CRIM1: variants seen among roughly 807,000 people sequenced by gnomAD.
The protein encoded by CRIM1 is cysteine rich transmembrane BMP regulator 1.
In CRIM1, 32 loss-of-function variants were observed where a neutral mutation model predicts 116.4. The ratio of observed to expected loss-of-function variants is 0.27; its 90% CI spans 0.21 to 0.37. The LOEUF (loss-of-function observed/expected upper bound fraction) is 0.37, where lower values mean the gene tolerates loss of function less well. CRIM1 is among the 10% of genes least tolerant of loss of function. The pLI is 1.00. For missense variants in CRIM1, 1,331 were observed against 1,354.8 expected (o/e 0.98, Z 0.28); for synonymous variants, 590 against 509.2 (o/e 1.16, Z -2.13).
intron 5 of CRIM1, 121 bp from the exon 6 acceptor site, chr2:36,476,768 G>C (rs1242022644): frequency 5.4e-6 from 4 of 747,446 alleles, no homozygotes. Flanking sequence ...ATTGAGTTGA[G>C]TAAATTTCCA....
intron 8 of CRIM1, among the ~76,000 whole-genome samples, chr2:36,507,399 A>G (rs919920531): frequency 2.0e-5 from 3 of 152,220 alleles, no homozygotes; most frequent in African/African-American, 7.2e-5. Flanking sequence ...ATGACAGTGG[A>G]GGAGTAGGTA....
intron 7 of CRIM1, among the ~76,000 whole-genome samples, chr2:36,490,791 C>T (rs553822183): frequency 2.0e-5 from 3 of 152,262 alleles, no homozygotes; most frequent in Admixed American, 6.5e-5. Flanking sequence ...TGACCTCTGC[C>T]CATTCTTGTG....
chr2:36,522,364 C>T, intron 13 of CRIM1, 51 bp downstream of exon 13: 1 of 1,363,134 alleles, frequency 7.3e-7, no homozygotes, highest in Admixed American at 1.7e-5. Flanking sequence ...GTCACTAAAT[C>T]TGTATTGACA....
At chr2:36,436,546 G>C (rs1205600366) in intron 2 of CRIM1, among the ~76,000 whole-genome samples, 1 of 152,158 alleles carries the variant, frequency 6.6e-6, no homozygotes, top group Non-Finnish European at 1.5e-5. Flanking sequence ...AGATTTTACA[G>C]ATCCCTCTTG....
chr2:36,460,182 C>T (rs531597945), intron 4 of CRIM1, among the ~76,000 whole-genome samples: 1 of 152,192 alleles, frequency 6.6e-6, no homozygotes, highest in East Asian at 1.9e-4. Flanking sequence ...TAATGTGGTA[C>T]CTCGATTGAT....
chr2:36,382,022 C>G (rs1472091271), intron 1 of CRIM1, among the ~76,000 whole-genome samples: 1 of 152,094 alleles, frequency 6.6e-6, no homozygotes, highest in South Asian at 2.1e-4. Context: ...AAAGAGGTTT[C>G]CAGAAAAACC....
intron 8 of CRIM1, among the ~76,000 whole-genome samples, chr2:36,505,379 T>C (rs866091585): frequency 4.7e-4 from 70 of 149,110 alleles, no homozygotes; most frequent in African/African-American, 1.7e-3. Context: ...CTACCATATA[T>C]TTCTGGTCAC....
chr2:36,473,437 C>T (rs848552), intron 5 of CRIM1, among the ~76,000 whole-genome samples: 1 of 151,838 alleles, frequency 6.6e-6, no homozygotes, highest in Non-Finnish European at 1.5e-5. Context: ...GCTCAGAGTT[C>T]TGCAATCATC....
At chr2:36,500,855 T>C (rs1366689319) in intron 8 of CRIM1, among the ~76,000 whole-genome samples, 1 of 152,230 alleles carries the variant, frequency 6.6e-6, no homozygotes, top group African/African-American at 2.4e-5. Flanking sequence ...GCCCGTATCT[T>C]GTCTGAAGTC....
chr2:36,423,656 T>G (rs552116393), intron 2 of CRIM1, among the ~76,000 whole-genome samples: 1 of 152,350 alleles, frequency 6.6e-6, no homozygotes, highest in Middle Eastern at 3.4e-3. Context: ...CTAAAGTATT[T>G]GAGTCCTCTG....
chr2:36,362,935 T>A (rs1188540023), intron 1 of CRIM1, among the ~76,000 whole-genome samples: 1 of 152,068 alleles, frequency 6.6e-6, no homozygotes, highest in Non-Finnish European at 1.5e-5. Flanking sequence ...TGGTGTCTCA[T>A]GCCTGTAATC....
At chr2:36,467,003 G>A (rs1251574617) in intron 5 of CRIM1, among the ~76,000 whole-genome samples, 1 of 152,130 alleles carries the variant, frequency 6.6e-6, no homozygotes, top group African/African-American at 2.4e-5. Context: ...AGTCTGATGT[G>A]TCTCAAACTA....
intron 5 of CRIM1, among the ~76,000 whole-genome samples, chr2:36,474,825 G>T (rs1448997852): frequency 2.4e-5 from 3 of 124,788 alleles, no homozygotes; most frequent in African/African-American, 6.2e-5. Context: ...TCCAGCCTGG[G>T]TGACAGAGTG....
At chr2:36,407,703 CAA>C (rs10719018) in intron 2 of CRIM1, among the ~76,000 whole-genome samples, 110 of 99,618 alleles carry the variant, frequency 1.1e-3, no homozygotes, top group Admixed American at 1.7e-3. Flanking sequence ...TTGTGCCCGT[CAA>C]AAAAAAAAAA....
chr2:36,356,680 T>C lies in CRIM1; in HGVS notation c.331+57T>C, dbSNP rs554144203. 1 of 1,510,478 alleles carries C rather than the reference T, an allele frequency of 6.6e-7. No individual in the cohort carries two copies. Among genetic ancestry groups the C allele is most frequent in the Non-Finnish European group, 8.9e-7 (1 of 1,121,230 alleles). 93.6% of individuals were successfully genotyped at this position (1,510,478 alleles called of 1,614,324 possible). A position where few individuals can be genotyped will look rare whatever the true frequency, so the allele number is the denominator to read the frequency against. The stretch of plus-strand genomic sequence containing the variant: ...CTGGCCTGCGCCGCCCCCTCGGCGC[T>C]GGTTGTGCCGAACAAAGTTTGGGCG... On this transcript the variant is annotated intron_variant, in intron 1 of 16. Coordinates refer to ENST00000280527, the MANE Select transcript of CRIM1 (RefSeq NM_016441.3). The surrounding 1 kb of genome is among the most constrained non-coding windows in gnomAD (Gnocchi z 4.3).
At chr2:36,451,136 A>T (rs940429911) in intron 4 of CRIM1, among the ~76,000 whole-genome samples, 1 of 152,232 alleles carries the variant, frequency 6.6e-6, no homozygotes, top group East Asian at 1.9e-4. Context: ...ATACTCATCG[A>T]GGACCTCATG....
chr2:36,521,731 G>T (rs1172620724), intron 12 of CRIM1, among the ~76,000 whole-genome samples: 1 of 152,106 alleles, frequency 6.6e-6, no homozygotes, highest in Non-Finnish European at 1.5e-5. Flanking sequence ...TAGATGATGG[G>T]GCCACCCTAG....
intron 4 of CRIM1, among the ~76,000 whole-genome samples, chr2:36,446,908 A>C (rs981648049): frequency 2.0e-5 from 3 of 152,256 alleles, no homozygotes; most frequent in African/African-American, 7.2e-5. Flanking sequence ...ATGTGTGTGC[A>C]TGTACAGATG....
At chr2:36,476,139 G>A (rs772185985) in intron 5 of CRIM1, among the ~76,000 whole-genome samples, 16 of 151,886 alleles carry the variant, frequency 1.1e-4, no homozygotes, top group South Asian at 6.3e-4. Flanking sequence ...CATTGATATC[G>A]TGATGAGACT....
Sources: gnomAD v4.1 joint callset for allele counts (sites outside exome capture counted in the v4.1 genomes callset) on GRCh38, gnomAD v4.1.1 for gene constraint, Gnocchi (gnomAD v3.1) non-coding constraint, MANE v1.5 for transcripts, NCBI Gene and HGNC (gene_info 2026-07-23, HGNC 2026-07-21) for gene names.